PKIB: variants seen among roughly 807,000 people sequenced by gnomAD.
PKIB encodes the protein PKI-beta.
Under a neutral mutation model 4.5 loss-of-function variants are expected in PKIB, and 2 were observed. The observed-to-expected ratio is 0.44, with a 90% CI of 0.18 to 1.39. PKIB has a LOEUF of 1.39. Ranked by LOEUF, PKIB falls within the 40% of genes most tolerant of loss-of-function variation. PKIB has a pLI of 0.27. For synonymous variants in PKIB, 38 were observed against 36.0 expected (o/e 1.06, Z -0.20); for missense variants, 94 against 92.6 (o/e 1.02, Z -0.06).
At chr6:122,641,586 T>G (rs1461841251) in intron 2 of PKIB, among the ~76,000 whole-genome samples, 1 of 152,210 alleles carries the variant, frequency 6.6e-6, no homozygotes, top group Non-Finnish European at 1.5e-5. Flanking sequence ...TTTCTGGTGT[T>G]AAAGCCAAAT....
At chr6:122,553,508 A>G (rs1472855591) in intron 2 of PKIB, among the ~76,000 whole-genome samples, 1 of 34,662 alleles carries the variant, frequency 2.9e-5, no homozygotes, top group Non-Finnish European at 5.5e-5. Context: ...TTTTTTCTGA[A>G]AAAGGCTTCC....
chr6:122,542,711 A>T lies in PKIB; in HGVS notation c.-247-43210A>T, dbSNP rs184923160. ...TCTGCCTTTTCTCAGATCTCCAGCT[A>T]CGTGCTTGGAGAACCACTACTCTCT... On this transcript the variant is annotated intron_variant, in intron 2 of 6. Coordinates refer to the PKIB transcript ENST00000392491. Among the ~76,000 whole-genome samples, 767 of 152,188 alleles carry T rather than the reference A, an allele frequency of 5.0e-3. 11 individuals are homozygous for T. The highest frequency in any genetic ancestry group is 0.017 in the African/African-American group (714 of 41,448).
chr6:122,508,164 T>C (rs1423476701), intron 2 of PKIB, among the ~76,000 whole-genome samples: 1 of 152,228 alleles, frequency 6.6e-6, no homozygotes, highest in African/African-American at 2.4e-5. Context: ...TTGTGGAATT[T>C]CCATGATAGT....
At chr6:122,685,755 TA>T (rs372805561) in intron 3 of PKIB, among the ~76,000 whole-genome samples, 126 of 152,304 alleles carry the variant, frequency 8.3e-4, no homozygotes, top group African/African-American at 2.9e-3. Context: ...ATTCTTTCTA[TA>T]TTTTTTTGTA....
chr6:122,518,673 C>A (rs1314482886), intron 2 of PKIB, among the ~76,000 whole-genome samples: 1 of 151,984 alleles, frequency 6.6e-6, no homozygotes, highest in Non-Finnish European at 1.5e-5. Context: ...TAGTGGGTGT[C>A]AGGCATTCAA....
At chr6:122,491,495 C>T (rs1194851406) in intron 2 of PKIB, among the ~76,000 whole-genome samples, 1 of 152,148 alleles carries the variant, frequency 6.6e-6, no homozygotes, top group Non-Finnish European at 1.5e-5. Flanking sequence ...GGGGAGCCCT[C>T]TCCTCCCCCG....
intron 2 of PKIB, chr6:122,585,513 T>C (rs536717763): frequency 6.6e-6 from 1 of 152,256 alleles, no homozygotes; most frequent in East Asian, 1.9e-4. Flanking sequence ...AGGTCAAGGC[T>C]CCACAAGGCT....
At chr6:122,679,824 A>G (rs1213959902) in intron 3 of PKIB, among the ~76,000 whole-genome samples, 1 of 152,214 alleles carries the variant, frequency 6.6e-6, no homozygotes, top group African/African-American at 2.4e-5. Flanking sequence ...GTCACACTTC[A>G]TCATCTCAGT....
At chr6:122,654,443 G>A (rs1454875233) in intron 2 of PKIB, among the ~76,000 whole-genome samples, 2 of 152,250 alleles carry the variant, frequency 1.3e-5, no homozygotes, top group East Asian at 3.9e-4. Context: ...ATTTCTTCCA[G>A]TCCTTTAACT....
intron 2 of PKIB, among the ~76,000 whole-genome samples, chr6:122,568,951 T>C (rs946701842): frequency 1.1e-4 from 17 of 152,062 alleles, no homozygotes; most frequent in African/African-American, 3.9e-4. Flanking sequence ...GGGAGTGAGA[T>C]TGGCCTCACC....
intron 2 of PKIB, among the ~76,000 whole-genome samples, chr6:122,508,602 A>G (rs1477169282): frequency 6.6e-6 from 1 of 152,180 alleles, no homozygotes; most frequent in African/African-American, 2.4e-5. Flanking sequence ...TTATATAGAA[A>G]GGAAAACCCT....
At chr6:122,694,540 G>C (rs1419723710) in intron 3 of PKIB, among the ~76,000 whole-genome samples, 1 of 152,104 alleles carries the variant, frequency 6.6e-6, no homozygotes, top group Non-Finnish European at 1.5e-5. Flanking sequence ...GTGAGATAAA[G>C]TTTTCTCAAT....
intron 3 of PKIB, among the ~76,000 whole-genome samples, chr6:122,698,361 A>G (rs1224221232): frequency 6.6e-6 from 1 of 152,094 alleles, no homozygotes; most frequent in African/African-American, 2.4e-5. Context: ...GCTTGACTCC[A>G]TCCTGTCGCA....
chr6:122,535,651 G>A lies in PKIB; in HGVS notation c.-247-50270G>A, dbSNP rs116555855. On this transcript the variant is annotated intron_variant, in intron 2 of 6. Transcript: ENST00000392491. ...CTTTTCAAGAAACCTGGACAGAGGA[G>A]AAGTAAACTGTTGAAAAGTTAGGCA... is the stretch of plus-strand genomic sequence containing the variant. Among the ~76,000 whole-genome samples, 1,492 of 152,240 alleles carry A rather than the reference G, an allele frequency of 9.8e-3. 31 individuals carry two copies. Among genetic ancestry groups the A allele is most frequent in the African/African-American group, 0.035 (1,444 of 41,516 alleles).
chr6:122,483,685 G>A (rs929637184), intron 2 of PKIB: 1 of 152,190 alleles, frequency 6.6e-6, no homozygotes, highest in African/African-American at 2.4e-5. Context: ...GGCAGATTGT[G>A]CGAAGGCAAA....
chr6:122,563,200 C>T (rs1197305821), intron 2 of PKIB, among the ~76,000 whole-genome samples: 3 of 152,128 alleles, frequency 2.0e-5, no homozygotes. Flanking sequence ...GATGTGGCTT[C>T]CTGTGAGTCA....
At chr6:122,667,838 G>GATCAATATAACC (rs1777293625) in intron 2 of PKIB, among the ~76,000 whole-genome samples, 6 of 152,186 alleles carry the variant, frequency 3.9e-5, no homozygotes, top group Admixed American at 3.9e-4. Flanking sequence ...ATTGATCTGA[G>GATCAATATAACC]TGGCTTTCAG....
chr6:122,555,628 T>A (rs1444395529), intron 2 of PKIB, among the ~76,000 whole-genome samples: 1 of 152,162 alleles, frequency 6.6e-6, no homozygotes, highest in Admixed American at 6.6e-5. Flanking sequence ...GAGGGGATAA[T>A]CTCATATCCT....
chr6:122,660,696 A>G (rs1011287047), intron 2 of PKIB, among the ~76,000 whole-genome samples: 1 of 152,180 alleles, frequency 6.6e-6, no homozygotes, highest in Non-Finnish European at 1.5e-5. Flanking sequence ...TTGCAATTCT[A>G]TAGCCTAAAG....
Sources: gnomAD v4.1 joint callset for allele counts (sites outside exome capture counted in the v4.1 genomes callset) on GRCh38, gnomAD v4.1.1 for gene constraint, MANE v1.5 for transcripts, NCBI Gene and HGNC (gene_info 2026-07-23, HGNC 2026-07-21) for gene names.